The following FBF1 variants were observed in gnomAD, a reference collection of about 807,000 sequenced individuals.
The protein encoded by FBF1 is Fas binding factor 1, also known as fas-binding factor 1.
In FBF1, 119 loss-of-function variants were observed where a neutral mutation model predicts 147.2. The observed-to-expected ratio is 0.81, with a 90% CI of 0.70 to 0.94. FBF1 has a LOEUF of 0.94. Among genes scored for constraint, FBF1 ranks in the 40% least tolerant of loss-of-function variants. The probability of loss-of-function intolerance (pLI) is 0.00; values close to 1 mark genes in which losing one functional copy is unlikely to be tolerated. For synonymous variants in FBF1, 601 were observed against 609.0 expected (o/e 0.99, Z 0.19); for missense variants, 1,449 against 1,500.8 (o/e 0.97, Z 0.57).
Position 75,920,318 on chromosome 17 carries a change from C to G in FBF1, c.1786G>C (p.Glu596Gln), listed in dbSNP as rs368013016. The change falls in exon 18 of 30, where the codon GAG (glutamate) becomes CAG (glutamine). Residue 596 changes from glutamate to glutamine, a missense_variant. Transcript: ENST00000636174. ...LQCSPAELQA[E>Q]LLHSQARLAE... is the part of the protein sequence containing the mutation. ...AGCCGGGCCTGGCTATGCAGCAGCTCGGCCTGGAGCTCAGCGGGGCTGCAC... is the reference window on the plus strand; with the variant it reads ...AGCCGGGCCTGGCTATGCAGCAGCTGGGCCTGGAGCTCAGCGGGGCTGCAC... 6.4e-5 allele frequency: 103 copies of G among 1,611,032 alleles called. No homozygotes were observed. Among genetic ancestry groups the G allele is most frequent in the Non-Finnish European group, 8.6e-5 (101 of 1,179,206 alleles).
chr17:75,932,844 C>T, intron 5 of FBF1, 151 bp downstream of exon 5: 2 of 502,846 alleles, frequency 4.0e-6, no homozygotes, highest in Non-Finnish European at 7.0e-6. Context: ...CGAGATGGTG[C>T]CACTGCACTC....
chr17:75,912,587 A>G (rs2065462705), intron 28 of FBF1, among the ~76,000 whole-genome samples: 1 of 152,252 alleles, frequency 6.6e-6, no homozygotes, highest in Non-Finnish European at 1.5e-5. Context: ...TTAAGACAAC[A>G]AATCACTCAG....
chr17:75,923,093 C>T lies in FBF1; in HGVS notation c.1424+93G>A. 7.8e-7 allele frequency: 1 copy of T among 1,287,180 alleles called. No homozygotes were observed. Among genetic ancestry groups the T allele is most frequent in the Non-Finnish European group, 1.1e-6 (1 of 947,806 alleles). 79.7% of individuals were successfully genotyped at this position (1,287,180 alleles called of 1,614,324 possible). A position where few individuals can be genotyped will look rare whatever the true frequency, so the allele number is the denominator to read the frequency against. On this transcript the variant is annotated intron_variant, in intron 14 of 29. Transcript: ENST00000636174. The surrounding 1 kb of genome is among the most constrained non-coding windows in gnomAD (Gnocchi z 4.1). ...GGCGCCCTGCCTTGTTCCCCAACTG[C>T]TGACTGAGGCTGCAACAGGTGAAGG...
chr17:75,923,493 A>G lies in FBF1; in HGVS notation c.1117T>C (p.Ser373Pro). 1 of 1,607,512 alleles carries G rather than the reference A, an allele frequency of 6.2e-7. No individual in the cohort carries two copies. Among genetic ancestry groups the G allele is most frequent in the Non-Finnish European group, 8.5e-7 (1 of 1,177,358 alleles). ...TCCCGATGGGCCTCTCTGGTGGGTG[A>G]GGCAGGGAACAGGTCCAAGTCCTCG... ...KDEDLDLFPA[S>P]PTREAHRESS... is the part of the protein sequence containing the mutation. The change falls in exon 14 of 30, where the codon TCA becomes CCA. Residue 373 changes from serine (S) to proline (P), a missense_variant. By Grantham distance (74) the Ser-to-Pro change is moderately conservative. Coordinates refer to ENST00000636174, the MANE Select transcript of FBF1 (RefSeq NM_001319193.2). This position sits in a 1 kb window ranked among gnomAD's most constrained non-coding sequence, Gnocchi z 4.1.
At chr17:75,912,020 G>C (rs2065459283) in intron 29 of FBF1, among the ~76,000 whole-genome samples, 172 bp downstream of exon 29, 1 of 152,208 alleles carries the variant, frequency 6.6e-6, no homozygotes, top group Admixed American at 6.5e-5. Context: ...GCTTTGCACA[G>C]AACCTGGCCT....
intron 25 of FBF1, 41 bp from the exon 26 acceptor site, chr17:75,914,339 A>G (rs1402710805): frequency 5.8e-6 from 9 of 1,559,044 alleles, no homozygotes; most frequent in Non-Finnish European, 7.8e-6. Context: ...CCTCCCAGGA[A>G]TTGCGCTGCA....
intron 29 of FBF1, among the ~76,000 whole-genome samples, chr17:75,911,760 C>G (rs1039456016): frequency 2.6e-5 from 4 of 152,040 alleles, no homozygotes; most frequent in Non-Finnish European, 5.9e-5. Context: ...ATCCTCCCAC[C>G]ATAGCCTCCC....
At chr17:75,915,254 C>T (rs897341845) in intron 23 of FBF1, 115 bp from the exon 24 acceptor site, 7 of 1,418,478 alleles carry the variant, frequency 4.9e-6, no homozygotes, top group Middle Eastern at 2.2e-4. Flanking sequence ...GCCACTGACA[C>T]GTCCTTCCCA....
chr17:75,917,924 G>A lies in FBF1; in HGVS notation c.2386+7C>T, dbSNP rs751296121. On this transcript the variant is annotated splice_region_variant and intron_variant, in intron 22 of 29. Transcript: ENST00000636174. ...GGAGCCGGGGTGGCTGAGAGGGGAG[G>A]GCGTACCCCGCAGCTGCTCGTCACG... The A allele has an allele frequency of 1.9e-6, 3 of 1,594,932 alleles. No individual in the cohort carries two copies. Among genetic ancestry groups the A allele is most frequent in the Admixed American group, 3.5e-5 (2 of 57,842 alleles).
At position 75,931,102 on chromosome 17, in the gene FBF1, A is replaced by C. The variant is rs1037022843; in HGVS notation, c.228+127T>G. ...AGAGGGAGACTCCATCTCAAAAAAC[A>C]AACAAAAAGAACAAAGTGACTTTGC... On this transcript the variant is annotated intron_variant, in intron 6 of 29. Transcript: ENST00000636174. The C allele has an allele frequency of 7.9e-6, 8 of 1,008,710 alleles. No individual in the cohort carries two copies. In the East Asian group the frequency reaches 1.9e-4, roughly 24 times the overall value. The allele number at this position is 1,008,710 out of a possible 1,614,324, so 62.5% of individuals were successfully genotyped here. A position where few individuals can be genotyped will look rare whatever the true frequency, so the allele number is the denominator to read the frequency against.
At chr17:75,917,466 G>A (rs575759273) in intron 23 of FBF1, among the ~76,000 whole-genome samples, 10 of 152,334 alleles carry the variant, frequency 6.6e-5, no homozygotes, top group African/African-American at 2.2e-4. Flanking sequence ...GCTAGACTGC[G>A]GAGGGCAGCC....
intron 9 of FBF1, 31 bp from the exon 10 acceptor site, chr17:75,926,908 C>T (rs747754208): frequency 3.8e-6 from 6 of 1,593,466 alleles, no homozygotes; most frequent in Non-Finnish European, 5.1e-6. Context: ...ACAGGTCAGA[C>T]TGCAGCACTT....
Position 75,910,845 on chromosome 17 carries a change from G to C in FBF1, c.3364-39C>G. 6.5e-7 allele frequency: 1 copy of C among 1,541,888 alleles called. No homozygotes were observed. Among genetic ancestry groups the C allele is most frequent in the Non-Finnish European group, 8.9e-7 (1 of 1,129,530 alleles). On this transcript the variant is annotated intron_variant, in intron 29 of 29. Transcript: ENST00000636174. This position sits in a 1 kb window ranked among gnomAD's most constrained non-coding sequence, Gnocchi z 4.1. ...TTGGATGGGCGGTCACCTTCCCTGA[G>C]CTGAGAGGGAGGTGGAGCCCTGGAT...
chr17:75,912,477 C>T (rs2065462137), intron 28 of FBF1, among the ~76,000 whole-genome samples, 170 bp from the exon 29 acceptor site: 2 of 152,236 alleles, frequency 1.3e-5, no homozygotes, highest in South Asian at 2.1e-4. Flanking sequence ...ATACCTGCTC[C>T]TACCTGGAAA....
intron 23 of FBF1, among the ~76,000 whole-genome samples, chr17:75,916,007 CAA>C (rs35055735): frequency 0.27 from 17,691 of 64,440 alleles, 660 homozygotes; most frequent in Non-Finnish European, 0.31. Context: ...GACTCTGACT[CAA>C]AAAAAAAAAA....
chr17:75,924,770 A>G (rs992653462), intron 13 of FBF1, among the ~76,000 whole-genome samples: 1 of 152,130 alleles, frequency 6.6e-6, no homozygotes, highest in African/African-American at 2.4e-5. Context: ...GAGCCACCAT[A>G]CCCAGCCGAC....
Position 75,921,955 on chromosome 17 carries a change from C to G in FBF1, c.1516G>C (p.Gly506Arg). 2 of 1,551,014 alleles carry G rather than the reference C, an allele frequency of 1.3e-6. No homozygotes were observed. Among genetic ancestry groups the G allele is most frequent in the Non-Finnish European group, 8.7e-7 (1 of 1,146,902 alleles). The part of the protein sequence containing the change: ...TARERPCVRP[G>R]VSGSPVTQNH... ...GCAGCCCAGGCCTACCCCGAGACAC[C>G]AGGCCTGACACACGGTCTTTCTCGT... The change falls in exon 15 of 30, where the codon GGT becomes CGT. Residue 506 changes from glycine (G) to arginine (R), a missense_variant. Physicochemically the swap from Gly to Arg is moderately radical, Grantham distance 125 (BLOSUM62 -2). Transcript: ENST00000636174.
At chr17:75,940,070 C>T (rs1434378331) in intron 1 of FBF1, among the ~76,000 whole-genome samples, 3 of 151,752 alleles carry the variant, frequency 2.0e-5, no homozygotes, top group East Asian at 3.9e-4. Context: ...CTCAGCCTCC[C>T]GAGTAGCTGG....
At chr17:75,938,427 T>C (rs1349573622) in intron 1 of FBF1, among the ~76,000 whole-genome samples, 195 bp from the exon 2 acceptor site, 1 of 148,574 alleles carries the variant, frequency 6.7e-6, no homozygotes, top group Non-Finnish European at 1.5e-5. Flanking sequence ...GGTGTGGTGG[T>C]GTACATCTGT....
Sources: allele counts gnomAD v4.1 joint callset (sites outside exome capture counted in the v4.1 genomes callset), GRCh38; gene constraint gnomAD v4.1.1; non-coding constraint Gnocchi (gnomAD v3.1); transcripts MANE v1.5; gene names NCBI Gene and HGNC (gene_info 2026-07-23, HGNC 2026-07-21).